The following SGMS1 variants were observed in gnomAD, a reference collection of about 807,000 sequenced individuals.
The protein encoded by SGMS1 is sphingomyelin synthase 1.
SGMS1 carries 13 observed loss-of-function variants against 46.2 expected under a neutral mutation model. The observed-to-expected ratio is 0.28, with a 90% CI of 0.18 to 0.45. SGMS1 has a LOEUF of 0.45. Ranked by LOEUF, SGMS1 falls within the 20% of genes least tolerant of loss-of-function variation. The pLI is 1.00. For synonymous variants in SGMS1, 203 were observed against 187.8 expected (o/e 1.08, Z -0.66); for missense variants, 324 against 519.9 (o/e 0.62, Z 3.66).
intron 3 of SGMS1, among the ~76,000 whole-genome samples, chr10:50,519,451 C>T (rs1837838497): frequency 6.6e-6 from 1 of 152,134 alleles, no homozygotes; most frequent in East Asian, 1.9e-4. Context: ...AAAGGCATGC[C>T]CCCAACTAAC....
intron 2 of SGMS1, among the ~76,000 whole-genome samples, chr10:50,569,836 A>G (rs1838321938): frequency 6.6e-6 from 1 of 152,082 alleles, no homozygotes; most frequent in Admixed American, 6.5e-5. Context: ...CCCCTCCTAA[A>G]GTCTTCATGT....
chr10:50,504,090 T>C (rs932932563), intron 3 of SGMS1, among the ~76,000 whole-genome samples: 1 of 152,212 alleles, frequency 6.6e-6, no homozygotes, highest in Admixed American at 6.5e-5. Context: ...ACAGTGCCCA[T>C]AGCTCCTGTC....
chr10:50,624,546 CT>C, upstream of SGMS1: 2 of 977,912 alleles, frequency 2.0e-6, no homozygotes, highest in Non-Finnish European at 2.4e-6. Flanking sequence ...CGCAAGAGCT[CT>C]AACCGCGCGA....
At chr10:50,509,387 C>T (rs189644245) in intron 3 of SGMS1, among the ~76,000 whole-genome samples, 45 of 152,250 alleles carry the variant, frequency 3.0e-4, no homozygotes, top group Admixed American at 1.7e-3. Context: ...GCCATTCCTC[C>T]TCCCACCAAA....
chr10:50,541,880 A>G (rs1189073684), intron 2 of SGMS1, among the ~76,000 whole-genome samples: 2 of 152,224 alleles, frequency 1.3e-5, no homozygotes, highest in South Asian at 2.1e-4. Context: ...CCTCCTAGGA[A>G]GAAGGCACTA....
At chr10:50,445,691 G>A (rs561439430) in intron 5 of SGMS1, among the ~76,000 whole-genome samples, 21 of 152,210 alleles carry the variant, frequency 1.4e-4, no homozygotes, top group Admixed American at 3.3e-4. Context: ...AGGACCCTGT[G>A]ATGATTGTGT....
chr10:50,377,007 C>T (rs1199419062), intron 6 of SGMS1, among the ~76,000 whole-genome samples: 2 of 152,198 alleles, frequency 1.3e-5, no homozygotes, highest in Non-Finnish European at 1.5e-5. Context: ...TTAAGAACTT[C>T]TTGCAACAGT....
At chr10:50,311,664 G>A (rs941945184) in intron 8 of SGMS1, among the ~76,000 whole-genome samples, 1 of 152,182 alleles carries the variant, frequency 6.6e-6, no homozygotes, top group Non-Finnish European at 1.5e-5. Flanking sequence ...GCACGTGTCA[G>A]TAGATGTTTC....
chr10:50,568,940 C>A (rs1838313755), intron 2 of SGMS1, among the ~76,000 whole-genome samples: 1 of 152,002 alleles, frequency 6.6e-6, no homozygotes, highest in Admixed American at 6.6e-5. Context: ...AAATGTGGCA[C>A]ATATACACCA....
intron 5 of SGMS1, among the ~76,000 whole-genome samples, chr10:50,438,652 A>G (rs1395603574): frequency 6.6e-6 from 1 of 152,228 alleles, no homozygotes; most frequent in Non-Finnish European, 1.5e-5. Flanking sequence ...ATGTAGCTAT[A>G]GATAACTACT....
At chr10:50,491,317 T>C (rs1837566086) in intron 3 of SGMS1, among the ~76,000 whole-genome samples, 1 of 152,222 alleles carries the variant, frequency 6.6e-6, no homozygotes, top group African/African-American at 2.4e-5. Context: ...AGTATCACTG[T>C]ACTCTAGCCT....
At chr10:50,572,109 G>A (rs532622644) in intron 2 of SGMS1, among the ~76,000 whole-genome samples, 1 of 152,282 alleles carries the variant, frequency 6.6e-6, no homozygotes, top group Admixed American at 6.5e-5. Flanking sequence ...TCTGGCCCCT[G>A]ACCACACTGT....
chr10:50,452,638 TA>T (rs928472498), intron 5 of SGMS1, among the ~76,000 whole-genome samples: 1 of 152,096 alleles, frequency 6.6e-6, no homozygotes, highest in African/African-American at 2.4e-5. Context: ...ACAACCCTAG[TA>T]ATACTGAATT....
intron 6 of SGMS1, among the ~76,000 whole-genome samples, chr10:50,351,187 C>T (rs1345579886): frequency 1.3e-5 from 2 of 152,182 alleles, no homozygotes; most frequent in African/African-American, 4.8e-5. Context: ...TTTGGACTTA[C>T]ATGGGTCTGT....
At chr10:50,468,275 C>A (rs1399505742) in intron 3 of SGMS1, among the ~76,000 whole-genome samples, 8 of 152,130 alleles carry the variant, frequency 5.3e-5, no homozygotes, top group Non-Finnish European at 1.0e-4. Context: ...AGCTTGAATG[C>A]AGGGCTAGAT....
At chr10:50,619,903 C>G (rs1427367196) in intron 1 of SGMS1, among the ~76,000 whole-genome samples, 2 of 152,162 alleles carry the variant, frequency 1.3e-5, no homozygotes, top group African/African-American at 2.4e-5. Context: ...GTGCTCTTGG[C>G]TTTTGGCAGA....
At chr10:50,599,663 G>A (rs750157337) in intron 1 of SGMS1, among the ~76,000 whole-genome samples, 3 of 152,126 alleles carry the variant, frequency 2.0e-5, no homozygotes, top group Non-Finnish European at 4.4e-5. Flanking sequence ...AAGAGTTCGA[G>A]ACCAGCCTGG....
intron 2 of SGMS1, among the ~76,000 whole-genome samples, chr10:50,554,646 A>ACCAC (rs564673198): frequency 1.5e-4 from 23 of 152,070 alleles, no homozygotes; most frequent in Non-Finnish European, 3.2e-4. Flanking sequence ...GGCTGGCCCC[A>ACCAC]CCACAGCTCA....
chr10:50,314,759 A>C (rs1034317890), intron 8 of SGMS1, among the ~76,000 whole-genome samples: 2 of 151,066 alleles, frequency 1.3e-5, no homozygotes, highest in South Asian at 4.2e-4. Context: ...TGTCTGTACA[A>C]AAAATGTAAA....
Sources: gnomAD v4.1 joint callset for allele counts (sites outside exome capture counted in the v4.1 genomes callset) on GRCh38, gnomAD v4.1.1 for gene constraint, MANE v1.5 for transcripts, NCBI Gene and HGNC (gene_info 2026-07-23, HGNC 2026-07-21) for gene names.